RAB37: variants seen among roughly 807,000 people sequenced by gnomAD.
RAB37 encodes the protein RAB37, member RAS oncogene family, also known as ras-related protein Rab-37.
A neutral mutation model predicts 33.1 loss-of-function variants in RAB37; 29 were observed. The observed-to-expected ratio is 0.88, with a 90% CI of 0.65 to 1.20. The LOEUF (loss-of-function observed/expected upper bound fraction) is 1.20, where lower values mean the gene tolerates loss of function less well. RAB37 is among the 50% of genes most tolerant of loss of function. RAB37 has a pLI of 0.00. For synonymous variants in RAB37, 128 were observed against 119.5 expected (o/e 1.07, Z -0.47); for missense variants, 299 against 301.1 (o/e 0.99, Z 0.05).
At chr17:74,703,133 A>G in intron 1 of RAB37, 1 of 1,613,386 alleles carries the variant, frequency 6.2e-7, no homozygotes, top group Non-Finnish European at 8.5e-7. Context: ...TGGTGGGGGC[A>G]GGAGTCGACG....
intron 1 of RAB37, among the ~76,000 whole-genome samples, chr17:74,708,688 G>C (rs1244940190): frequency 6.6e-6 from 1 of 152,136 alleles, no homozygotes; most frequent in East Asian, 1.9e-4. Flanking sequence ...AGGCCAAGGC[G>C]GGCGGATCAG....
At chr17:74,681,800 C>A (rs2031960779) in intron 1 of RAB37, among the ~76,000 whole-genome samples, 1 of 152,160 alleles carries the variant, frequency 6.6e-6, no homozygotes, top group African/African-American at 2.4e-5. Context: ...TTCCATCCAC[C>A]ACCTGCCCCA....
chr17:74,681,766 A>G (rs1340565826), intron 1 of RAB37, among the ~76,000 whole-genome samples: 1 of 152,142 alleles, frequency 6.6e-6, no homozygotes, highest in East Asian at 1.9e-4. Context: ...TGTGCTGTCT[A>G]CCACCTGTCC....
intron 1 of RAB37, among the ~76,000 whole-genome samples, chr17:74,691,326 A>G (rs1445780558): frequency 6.6e-6 from 1 of 152,152 alleles, no homozygotes; most frequent in East Asian, 1.9e-4. Flanking sequence ...TAATAATTCA[A>G]AAACCAAGGG....
chr17:74,725,048 C>CA (rs929722554), intron 1 of RAB37, among the ~76,000 whole-genome samples: 1 of 152,142 alleles, frequency 6.6e-6, no homozygotes, highest in Non-Finnish European at 1.5e-5. Context: ...AAAGCAAGCT[C>CA]AAAAAGCTAC....
rs1016843967 is a variant in RAB37 at position 74,745,570 on chromosome 17, G to T, written c.*159G>T. 6.5e-6 allele frequency: 4 copies of T among 617,288 alleles called. No homozygotes were observed. The highest frequency in any genetic ancestry group is 1.2e-5 in the Non-Finnish European group (4 of 344,514). 38.2% of individuals were successfully genotyped at this position (617,288 alleles called of 1,614,324 possible). A position where few individuals can be genotyped will look rare whatever the true frequency, so the allele number is the denominator to read the frequency against. ...GGGAGCTATACTCCAACTCCTACTTGAGTTCCTGCGGTCTCCCCGCATCCA... is the reference window on the plus strand; with the variant it reads ...GGGAGCTATACTCCAACTCCTACTTTAGTTCCTGCGGTCTCCCCGCATCCA... On this transcript the variant is annotated 3_prime_UTR_variant, in exon 9 of 9. Transcript: ENST00000392613. This position sits in a 1 kb window ranked among gnomAD's most constrained non-coding sequence, Gnocchi z 4.5.
rs377132505 is a variant in RAB37 at position 74,695,838 on chromosome 17, C to T, written c.72+24180C>T. 2.4e-5 allele frequency: 39 copies of T among 1,613,914 alleles called. No individual in the cohort carries two copies. Among genetic ancestry groups the T allele is most frequent in the African/African-American group, 1.6e-4 (12 of 75,044 alleles). ...AGGGTCAGGTCTGCATAGCAGAGGT[C>T]GCCCTCCAGGGGCTGCAGTACCTGG... On this transcript the variant is annotated intron_variant, in intron 1 of 7. Coordinates refer to the RAB37 transcript ENST00000340415.
At chr17:74,698,665 A>T in intron 1 of RAB37, 2 of 1,410,796 alleles carry the variant, frequency 1.4e-6, no homozygotes. Flanking sequence ...ACACATAGAC[A>T]CAAAGAAGGG....
chr17:74,681,291 C>T (rs12451499), intron 1 of RAB37, among the ~76,000 whole-genome samples: 2,007 of 152,294 alleles, frequency 0.013, 28 homozygotes, highest in Middle Eastern at 0.044. Flanking sequence ...GGCTGATTGA[C>T]GGATCTGAGG....
intron 1 of RAB37, among the ~76,000 whole-genome samples, chr17:74,686,282 G>A (rs149041078): frequency 6.6e-6 from 1 of 151,948 alleles, no homozygotes; most frequent in Non-Finnish European, 1.5e-5. Flanking sequence ...TAGTACAGAC[G>A]GGGTTTCACC....
intron 1 of RAB37, among the ~76,000 whole-genome samples, chr17:74,714,810 C>T (rs1401715817): frequency 6.6e-6 from 1 of 152,086 alleles, no homozygotes. Flanking sequence ...TCCCTAGGGT[C>T]GGGACTGGGG....
At chr17:74,702,699 G>A (rs551144296) in intron 1 of RAB37, among the ~76,000 whole-genome samples, 7 of 152,156 alleles carry the variant, frequency 4.6e-5, no homozygotes, top group African/African-American at 7.2e-5. Flanking sequence ...CCAACTCATC[G>A]GTCTCCCACA....
At chr17:74,703,271 CTG>C in intron 1 of RAB37, 3 of 673,550 alleles carry the variant, frequency 4.5e-6, no homozygotes, top group Admixed American at 2.7e-5. Flanking sequence ...GGGCTGCAGC[CTG>C]GACCACTCAT....
At chr17:74,737,020 T>C (rs1431791111), upstream of RAB37, 28 of 1,606,244 alleles carry the variant, frequency 1.7e-5, no homozygotes, top group Non-Finnish European at 2.3e-5. Context: ...ATGTGGCTCA[T>C]GTCCGAAGCG....
intron 1 of RAB37, among the ~76,000 whole-genome samples, chr17:74,710,822 G>A (rs978074890): frequency 3.1e-4 from 47 of 151,692 alleles, no homozygotes; most frequent in African/African-American, 9.7e-4. Context: ...AGCCAAGATC[G>A]CGCCACTGCA....
At chr17:74,743,830 G>A (rs2034681845) in intron 5 of RAB37, among the ~76,000 whole-genome samples, 1 of 152,156 alleles carries the variant, frequency 6.6e-6, no homozygotes, top group South Asian at 2.1e-4. Context: ...TGAATCCCCT[G>A]ACCTCAAGGA....
chr17:74,723,065 G>C (rs1191059879), intron 1 of RAB37, among the ~76,000 whole-genome samples: 1 of 152,172 alleles, frequency 6.6e-6, no homozygotes, highest in Non-Finnish European at 1.5e-5. Context: ...ATCAAGGGTC[G>C]ATACAACAGC....
chr17:74,717,458 GTAAC>G (rs1172941112), intron 1 of RAB37, among the ~76,000 whole-genome samples: 1 of 152,176 alleles, frequency 6.6e-6, no homozygotes, highest in African/African-American at 2.4e-5. Flanking sequence ...CCTTTGGAGA[GTAAC>G]TAGGTCAGGA....
In RAB37 at chr17:74,676,737, T is replaced by TA. The variant is rs777287106; in HGVS notation, c.72+5079_72+5080insA. Among the ~76,000 whole-genome samples the TA allele has an allele frequency of 5.3e-5, 8 of 152,192 alleles. No individual in the cohort carries two copies. Among genetic ancestry groups the TA allele is most frequent in the Non-Finnish European group, 1.0e-4 (7 of 68,034 alleles). On this transcript the variant is annotated intron_variant, in intron 1 of 7. Coordinates refer to the RAB37 transcript ENST00000340415. This position sits in a 1 kb window ranked among gnomAD's most constrained non-coding sequence, Gnocchi z 4.1. ...AGGCATGCACACAAATGGCTATACT[T>TA]TTATATAATTCCAGAAGTGTCCTAA...
Sources: gnomAD v4.1 joint callset for allele counts (sites outside exome capture counted in the v4.1 genomes callset) on GRCh38, gnomAD v4.1.1 for gene constraint, Gnocchi (gnomAD v3.1) non-coding constraint, MANE v1.5 for transcripts, NCBI Gene and HGNC (gene_info 2026-07-23, HGNC 2026-07-21) for gene names.